ZNF280D: variants seen among roughly 807,000 people sequenced by gnomAD.
The protein encoded by ZNF280D is zinc finger protein 280D, also known as suppressor of hairy wing homolog 4.
A neutral mutation model predicts 94.7 loss-of-function variants in ZNF280D; 39 were observed. The observed-to-expected ratio is 0.41, with a 90% CI of 0.32 to 0.54. The LOEUF (loss-of-function observed/expected upper bound fraction) is 0.54. Ranked by LOEUF, ZNF280D falls within the 20% of genes least tolerant of loss-of-function variation. ZNF280D has a pLI of 0.22. For synonymous variants in ZNF280D, 398 were observed against 377.6 expected (o/e 1.05, Z -0.63); for missense variants, 1,090 against 1,149.3 (o/e 0.95, Z 0.75).
intron 6 of ZNF280D, 89 bp from the exon 7 acceptor site, chr15:56,693,304 T>C (rs540279579): frequency 2.9e-6 from 1 of 347,950 alleles, no homozygotes; most frequent in South Asian, 1.1e-4. Flanking sequence ...TTTTATATAA[T>C]TATATAAGAA....
chr15:56,696,433 G>A (rs975000378), intron 6 of ZNF280D, among the ~76,000 whole-genome samples: 3 of 152,182 alleles, frequency 2.0e-5, no homozygotes, highest in Non-Finnish European at 4.4e-5. Flanking sequence ...AAGGTTAGGT[G>A]GGGTCGAGTA....
intron 1 of ZNF280D, among the ~76,000 whole-genome samples, chr15:56,733,206 C>G: frequency 6.6e-6 from 1 of 152,186 alleles, no homozygotes; most frequent in East Asian, 1.9e-4. Flanking sequence ...CCTGCGCGGC[C>G]CAGGCCTGCA....
intron 4 of ZNF280D, among the ~76,000 whole-genome samples, chr15:56,703,042 A>G (rs2057180082): frequency 1.3e-5 from 2 of 151,750 alleles, no homozygotes; most frequent in Admixed American, 6.6e-5. Context: ...AAAAGGATCT[A>G]TTTTCTCTTT....
intron 6 of ZNF280D, among the ~76,000 whole-genome samples, chr15:56,693,481 T>G (rs1287875415): frequency 6.6e-6 from 1 of 152,098 alleles, no homozygotes; most frequent in Non-Finnish European, 1.5e-5. Context: ...GCTGGTTTAC[T>G]GCTGACTAGA....
intron 10 of ZNF280D, among the ~76,000 whole-genome samples, chr15:56,679,106 A>T (rs574588105): frequency 1.3e-5 from 2 of 152,250 alleles, no homozygotes; most frequent in Admixed American, 6.5e-5. Flanking sequence ...TATTTAAAAA[A>T]TTTTTTTAGA....
At chr15:56,708,323 A>T (rs1462743409) in intron 1 of ZNF280D, among the ~76,000 whole-genome samples, 1 of 152,160 alleles carries the variant, frequency 6.6e-6, no homozygotes, top group Non-Finnish European at 1.5e-5. Flanking sequence ...AATATCCCCT[A>T]GTTCTAAAGT....
chr15:56,657,517 T>C (rs552471701), intron 17 of ZNF280D, among the ~76,000 whole-genome samples: 1 of 152,260 alleles, frequency 6.6e-6, no homozygotes, highest in Admixed American at 6.5e-5. Context: ...ACCTTTCCAC[T>C]GAAATAAATT....
intron 16 of ZNF280D, among the ~76,000 whole-genome samples, chr15:56,663,881 G>C (rs3784554): frequency 0.45 from 68,937 of 151,706 alleles, 16,639 homozygotes; most frequent in African/African-American, 0.63. Flanking sequence ...TGGGGTGACA[G>C]AGTGAGACCC....
In ZNF280D at chr15:56,700,888, T is replaced by C. The variant is rs765868356; in HGVS notation, c.381+45A>G. ...GTACTGTTGATATTGATAAACAACATCCAATGGATCCCTGAGCTGGCCGTA... is the reference window on the plus strand; with the variant it reads ...GTACTGTTGATATTGATAAACAACACCCAATGGATCCCTGAGCTGGCCGTA... On this transcript the variant is annotated intron_variant, in intron 6 of 21. Transcript: ENST00000267807. 1.2e-5 allele frequency: 20 copies of C among 1,613,460 alleles called. No homozygotes were observed. The South Asian group carries it at 1.5e-4, about 12-fold the overall frequency.
In ZNF280D at chr15:56,713,669, G is replaced by T. The variant is rs561030226; in HGVS notation, c.-85-6363C>A. Among the ~76,000 whole-genome samples, 14 of 152,228 alleles carry T rather than the reference G, an allele frequency of 9.2e-5. No homozygotes were observed. The South Asian group carries it at 2.3e-3, about 25-fold the overall frequency. On this transcript the variant is annotated intron_variant, in intron 1 of 21. Transcript: ENST00000267807. The stretch of plus-strand genomic sequence containing the variant: ...ATAACAATCTAATATTTCAAACCCT[G>T]ATTTTGTGATCCCTCAAGCACTTCC...
intron 1 of ZNF280D, among the ~76,000 whole-genome samples, chr15:56,720,693 G>A (rs2058309044): frequency 6.6e-6 from 1 of 152,132 alleles, no homozygotes; most frequent in Non-Finnish European, 1.5e-5. Context: ...CCCATGGGCA[G>A]CAGAATGGAT....
intron 7 of ZNF280D, among the ~76,000 whole-genome samples, chr15:56,689,804 G>C (rs1184199018): frequency 6.6e-6 from 1 of 151,584 alleles, no homozygotes; most frequent in African/African-American, 2.4e-5. Context: ...CTATGAATAA[G>C]TTCTGACAAA....
At chr15:56,653,049 T>C (rs530604469) in intron 19 of ZNF280D, 1 of 972,498 alleles carries the variant, frequency 1.0e-6, no homozygotes, top group South Asian at 4.8e-5. Flanking sequence ...AGAATCGGTA[T>C]TGTTAAAAAA....
At chr15:56,716,922 G>C (rs1376376873) in intron 1 of ZNF280D, among the ~76,000 whole-genome samples, 1 of 152,038 alleles carries the variant, frequency 6.6e-6, no homozygotes, top group African/African-American at 2.4e-5. Flanking sequence ...CCATTCCTGG[G>C]CTTCACTTCC....
At chr15:56,663,164 G>A (rs989838645) in intron 16 of ZNF280D, among the ~76,000 whole-genome samples, 2 of 150,850 alleles carry the variant, frequency 1.3e-5, no homozygotes, top group African/African-American at 4.9e-5. Flanking sequence ...ATGCCTGTAA[G>A]TCCCAGCTAC....
At chr15:56,685,064 A>C (rs1265129543) in intron 9 of ZNF280D, among the ~76,000 whole-genome samples, 8 of 152,234 alleles carry the variant, frequency 5.3e-5, no homozygotes, top group Non-Finnish European at 7.3e-5. Context: ...AACACTGAAT[A>C]CTAGAAAACG....
chr15:56,727,823 T>C (rs1266014136), intron 1 of ZNF280D, among the ~76,000 whole-genome samples: 1 of 152,220 alleles, frequency 6.6e-6, no homozygotes, highest in Non-Finnish European at 1.5e-5. Context: ...AGTCCTTGGA[T>C]GAGTTACTTT....
At chr15:56,679,740 T>C (rs561521522) in intron 10 of ZNF280D, among the ~76,000 whole-genome samples, 1 of 152,334 alleles carries the variant, frequency 6.6e-6, no homozygotes, top group African/African-American at 2.4e-5. Context: ...TGAAACTAAG[T>C]GATAATGTCA....
chr15:56,631,277 T>A lies in ZNF280D; in HGVS notation c.*221A>T, dbSNP rs1343492846. ...GCAAATTTAATTATCATTAAAATCC[T>A]GTTCGTGTTTTTAAAAACTTTTTGG... On this transcript the variant is annotated 3_prime_UTR_variant, in exon 22 of 22. Transcript: ENST00000267807. 1.3e-5 allele frequency: 6 copies of A among 461,842 alleles called. No homozygotes were observed. Among genetic ancestry groups the A allele is most frequent in the Non-Finnish European group, 2.3e-5 (6 of 260,930 alleles). The allele number at this position is 461,842 out of a possible 1,614,324, so 28.6% of individuals were successfully genotyped here.
Sources: gnomAD v4.1 joint callset for allele counts (sites outside exome capture counted in the v4.1 genomes callset) on GRCh38, gnomAD v4.1.1 for gene constraint, MANE v1.5 for transcripts, NCBI Gene and HGNC (gene_info 2026-07-23, HGNC 2026-07-21) for gene names.